Variants in APP observed in about 807,000 individuals in gnomAD.
APP encodes amyloid-beta precursor protein.
In APP, 31 loss-of-function variants were observed where a neutral mutation model predicts 101.4. That is an observed-to-expected ratio of 0.31 (90% CI 0.23 to 0.41). The LOEUF (loss-of-function observed/expected upper bound fraction) is 0.41, where lower values mean the gene tolerates loss of function less well. APP is among the 10% of genes least tolerant of loss of function. APP has a pLI of 1.00. For missense variants in APP, 839 were observed against 1,003.7 expected (o/e 0.84, Z 2.22); for synonymous variants, 366 against 364.4 (o/e 1.00, Z -0.05).
At chr21:26,100,329 CTG>C (rs1396143083) in intron 2 of APP, among the ~76,000 whole-genome samples, 7 of 152,170 alleles carry the variant, frequency 4.6e-5, no homozygotes, top group Non-Finnish European at 1.0e-4. Context: ...CATTCAAAAA[CTG>C]TCTCACTCAA....
chr21:26,170,476 T>C, intron 1 of APP, 88 bp downstream of exon 1: 1 of 1,390,090 alleles, frequency 7.2e-7, no homozygotes, highest in South Asian at 1.3e-5. Flanking sequence ...CCCCGGCTTC[T>C]CTGCATTAAA....
intron 1 of APP, among the ~76,000 whole-genome samples, chr21:26,161,973 T>C (rs1382677502): frequency 6.6e-6 from 1 of 152,154 alleles, no homozygotes; most frequent in Non-Finnish European, 1.5e-5. Flanking sequence ...TGCTTATCCA[T>C]CTTTATTCTA....
intron 13 of APP, among the ~76,000 whole-genome samples, chr21:25,939,977 A>T (rs2040507541): frequency 6.6e-6 from 1 of 152,184 alleles, no homozygotes; most frequent in Non-Finnish European, 1.5e-5. Context: ...GCCACAGTAG[A>T]GTATAGTATC....
chr21:26,114,881 G>A (rs2062402293), intron 1 of APP, among the ~76,000 whole-genome samples: 3 of 151,960 alleles, frequency 2.0e-5, no homozygotes, highest in East Asian at 1.9e-4. Flanking sequence ...CCCTATAATT[G>A]TCTCATGTTC....
intron 1 of APP, among the ~76,000 whole-genome samples, chr21:26,116,879 T>C (rs910278233): frequency 1.3e-5 from 2 of 151,756 alleles, no homozygotes; most frequent in African/African-American, 4.8e-5. Context: ...GATTCTTGCA[T>C]AATCTCAGTA....
rs1461244672 is a variant in APP, at chr21:25,897,593, C to CA, written c.2043dup (p.Glu682Ter). The CA allele has an allele frequency of 6.2e-7, 1 of 1,613,674 alleles. No individual in the cohort carries two copies. The highest frequency in any genetic ancestry group is 8.5e-7 in the Non-Finnish European group (1 of 1,179,598). On this transcript the variant is annotated frameshift_variant, in exon 16 of 18. Coordinates refer to ENST00000346798, the MANE Select transcript of APP (RefSeq NM_000484.4). LOFTEE classifies it high-confidence loss of function. ...CGTACCAATTTTTGATGATGAACTT[C>CA]ATATCCTGAGTCATGTCGGAATTCT...
At chr21:25,912,105 A>C (rs1246035793) in intron 13 of APP, 143 bp from the exon 14 acceptor site, 2 of 721,114 alleles carry the variant, frequency 2.8e-6, no homozygotes, top group Admixed American at 4.0e-5. Flanking sequence ...CATAGGTACC[A>C]TTATCATCTC....
intron 1 of APP, among the ~76,000 whole-genome samples, chr21:26,147,997 C>T (rs891898445): frequency 1.3e-5 from 2 of 152,128 alleles, no homozygotes. Flanking sequence ...CCAAATGACA[C>T]AGGTAGAAAA....
chr21:25,918,812 C>T lies in APP; in HGVS notation c.1688-6850G>A, dbSNP rs927697160. ...GGCAGCGAGGCTGGGGGAGGGGAGC[C>T]CGCCATTGCCCAGGCTTGCTTAGGT... On this transcript the variant is annotated intron_variant, in intron 13 of 17. Coordinates refer to ENST00000346798, the MANE Select transcript of APP (RefSeq NM_000484.4). 3.3e-5 allele frequency among the ~76,000 whole-genome samples: 5 copies of T among 150,140 alleles called. No homozygotes were observed. In the Admixed American group the frequency reaches 3.4e-4, roughly 10 times the overall value.
At chr21:26,098,943 GT>G (rs1208997922) in intron 2 of APP, among the ~76,000 whole-genome samples, 1 of 152,150 alleles carries the variant, frequency 6.6e-6, no homozygotes, top group African/African-American at 2.4e-5. Context: ...AACCTGAATA[GT>G]TAAGGGAAAA....
At chr21:26,023,606 G>A (rs2044444136) in intron 5 of APP, among the ~76,000 whole-genome samples, 1 of 151,944 alleles carries the variant, frequency 6.6e-6, no homozygotes, top group South Asian at 2.1e-4. Flanking sequence ...AGAAGGCTGG[G>A]GCGGGAGGAT....
chr21:25,971,355 T>G (rs1488880954), intron 11 of APP, among the ~76,000 whole-genome samples: 1 of 152,258 alleles, frequency 6.6e-6, no homozygotes, highest in Non-Finnish European at 1.5e-5. Context: ...ATAAACAACA[T>G]TTCTGCAAGA....
intron 15 of APP, among the ~76,000 whole-genome samples, chr21:25,903,830 G>A (rs114690562): frequency 0.01 from 1,596 of 152,288 alleles, 31 homozygotes; most frequent in African/African-American, 0.036. Context: ...AAATCAACGA[G>A]ACCAGCTGTC....
intron 5 of APP, among the ~76,000 whole-genome samples, chr21:26,038,182 ATATT>A (rs2045207023): frequency 6.6e-6 from 1 of 152,126 alleles, no homozygotes; most frequent in Admixed American, 6.5e-5. Context: ...AAACTCCTAC[ATATT>A]TAAATTCATA....
chr21:25,929,387 T>C (rs1361523624), intron 13 of APP, among the ~76,000 whole-genome samples: 1 of 151,950 alleles, frequency 6.6e-6, no homozygotes, highest in Non-Finnish European at 1.5e-5. Context: ...TCAAGAGTAG[T>C]GGTTTTTTTT....
At chr21:26,115,364 A>G (rs936228820) in intron 1 of APP, among the ~76,000 whole-genome samples, 2 of 152,202 alleles carry the variant, frequency 1.3e-5, no homozygotes, top group African/African-American at 4.8e-5. Flanking sequence ...TGGAAATCAG[A>G]GCAATTAGCT....
At chr21:25,904,821 A>C (rs527790275) in intron 15 of APP, among the ~76,000 whole-genome samples, 2 of 152,314 alleles carry the variant, frequency 1.3e-5, no homozygotes, top group East Asian at 3.9e-4. Context: ...CAGAAACAAA[A>C]AAAATCATTT....
intron 1 of APP, among the ~76,000 whole-genome samples, chr21:26,152,253 C>A (rs1450162019): frequency 8.2e-6 from 1 of 121,412 alleles, no homozygotes; most frequent in Non-Finnish European, 1.6e-5. Flanking sequence ...CCACTGCACT[C>A]CAGTCTGGGC....
chr21:25,889,211 G>C (rs1401470580), intron 17 of APP, among the ~76,000 whole-genome samples: 2 of 152,166 alleles, frequency 1.3e-5, no homozygotes, highest in African/African-American at 2.4e-5. Flanking sequence ...AGTTAAACAA[G>C]GTCATCAGGG....
Sources: gnomAD v4.1 joint callset for allele counts (sites outside exome capture counted in the v4.1 genomes callset) on GRCh38, gnomAD v4.1.1 for gene constraint, MANE v1.5 for transcripts, NCBI Gene and HGNC (gene_info 2026-07-23, HGNC 2026-07-21) for gene names.